Variants in SLU7 observed in about 807,000 individuals in gnomAD.
The protein encoded by SLU7 is pre-mRNA-splicing factor SLU7.
A neutral mutation model predicts 87.0 loss-of-function variants in SLU7; 60 were observed. The ratio of observed to expected loss-of-function variants is 0.69; its 90% CI spans 0.56 to 0.86. The LOEUF (loss-of-function observed/expected upper bound fraction) is 0.86. Ranked by LOEUF, SLU7 falls within the 40% of genes least tolerant of loss-of-function variation. The pLI, the probability that SLU7 is intolerant of heterozygous loss-of-function variation, is 0.00. For missense variants in SLU7, 507 were observed against 686.6 expected (o/e 0.74, Z 2.92); for synonymous variants, 197 against 222.0 (o/e 0.89, Z 1.00).
At chr5:160,409,189 T>G (rs1338101346) in intron 6 of SLU7, among the ~76,000 whole-genome samples, 1 of 152,106 alleles carries the variant, frequency 6.6e-6, no homozygotes, top group East Asian at 1.9e-4. Context: ...AAAGAAAATA[T>G]TACTGGGTTC....
Position 160,407,883 on chromosome 5 carries a change from G to T in SLU7, c.918-70C>A. 1 of 1,464,574 alleles carries T rather than the reference G, an allele frequency of 6.8e-7. No homozygotes were observed. Among genetic ancestry groups the T allele is most frequent in the Non-Finnish European group, 9.6e-7 (1 of 1,046,232 alleles). 90.7% of individuals were successfully genotyped at this position (1,464,574 alleles called of 1,614,324 possible). The stretch of plus-strand genomic sequence containing the variant: ...AAAATTAATTCGTAAAACTGAATCT[G>T]AATTAAAATGAACACCATCTATGGT... On this transcript the variant is annotated intron_variant, in intron 9 of 15. Coordinates refer to ENST00000297151, the MANE Select transcript of SLU7 (RefSeq NM_006425.5). This position sits in a 1 kb window ranked among gnomAD's most constrained non-coding sequence, Gnocchi z 4.2.
rs1254988866 is a variant in SLU7, at chr5:160,406,452, C to A, written c.1287+16G>T. On this transcript the variant is annotated intron_variant, in intron 12 of 15. Transcript: ENST00000297151. ...AAACCAACAAGGACACAAAATTGTT[C>A]CAGTTTAGCACATACTGTGTGATTG... is the stretch of plus-strand genomic sequence containing the variant. 1 of 1,561,762 alleles carries A rather than the reference C, an allele frequency of 6.4e-7. No homozygotes were observed. The highest frequency in any genetic ancestry group is 8.6e-7 in the Non-Finnish European group (1 of 1,157,606).
At chr5:160,414,131 AAAGAGTT>A (rs1339305858) in intron 3 of SLU7, 152 bp from the exon 4 acceptor site, 1 of 690,530 alleles carries the variant, frequency 1.4e-6, no homozygotes, top group East Asian at 2.9e-5. Context: ...GTGAAACTTT[AAAGAGTT>A]CAGGAGTGTA....
In SLU7 at chr5:160,412,942, TTA is replaced by T. The variant is rs1765301683; in HGVS notation, c.571-425_571-424del. ...TATAATTTTAAAATGATACCTCTAA[TTA>T]AAAAAAAAAGGCAGTGTGACTATGA... On this transcript the variant is annotated intron_variant, in intron 5 of 15. Coordinates refer to ENST00000297151, the MANE Select transcript of SLU7 (RefSeq NM_006425.5). Among the ~76,000 whole-genome samples, 3 of 131,568 alleles carry T rather than the reference TTA, an allele frequency of 2.3e-5. No individual in the cohort carries two copies. The Admixed American group carries it at 2.4e-4, about 10-fold the overall frequency. The allele number at this position is 131,568 out of a possible 152,430, so 86.3% of individuals were successfully genotyped here.
chr5:160,405,932 TAAAACAA>T (rs1374864873), intron 12 of SLU7, among the ~76,000 whole-genome samples: 1 of 152,142 alleles, frequency 6.6e-6, no homozygotes, highest in African/African-American at 2.4e-5. Context: ...GAATTCTGAC[TAAAACAA>T]AAAATAGGTG....
chr5:160,406,764 A>G (rs1385621949), intron 11 of SLU7, 135 bp from the exon 12 acceptor site: 1 of 728,214 alleles, frequency 1.4e-6, no homozygotes, highest in African/African-American at 1.9e-5. Context: ...CACAGTAGGA[A>G]AAAAAAAGCC....
chr5:160,409,125 A>AC (rs1452371237), intron 6 of SLU7, among the ~76,000 whole-genome samples: 1 of 152,054 alleles, frequency 6.6e-6, no homozygotes, highest in Non-Finnish European at 1.5e-5. Context: ...TAAATGTGTT[A>AC]GTCTTCAGAC....
At chr5:160,406,141 CAAAT>C (rs1401006026) in intron 12 of SLU7, among the ~76,000 whole-genome samples, 4 of 151,946 alleles carry the variant, frequency 2.6e-5, no homozygotes, top group African/African-American at 9.7e-5. Context: ...ATGTTTCAGT[CAAAT>C]AAATATATAC....
At position 160,404,499 on chromosome 5, in the gene SLU7, GCTT is replaced by G. The variant is rs531233665; in HGVS notation, c.1519_1521del (p.Lys507del). The G allele has an allele frequency of 7.9e-5, 128 of 1,611,776 alleles. No individual in the cohort carries two copies. The highest frequency in any genetic ancestry group is 3.8e-4 in the South Asian group (35 of 90,988). On this transcript the variant is annotated inframe_deletion, in exon 15 of 16. Coordinates refer to ENST00000297151, the MANE Select transcript of SLU7 (RefSeq NM_006425.5). ...TCACTATCTGAACTGCTCTTTCGAT[GCTT>G]CTTCTTTTTCTTTTTCTTCTTCTTC... is the stretch of plus-strand genomic sequence containing the variant.
intron 8 of SLU7, 71 bp downstream of exon 8, chr5:160,408,258 C>A: frequency 1.3e-6 from 2 of 1,494,946 alleles, no homozygotes; most frequent in Admixed American, 1.9e-5. Flanking sequence ...ATATGCTACC[C>A]AGAGTCGATA....
chr5:160,405,138 G>A lies in SLU7; in HGVS notation c.1288-3C>T. On this transcript the variant is annotated splice_region_variant and splice_polypyrimidine_tract_variant and intron_variant, in intron 12 of 15. Coordinates refer to ENST00000297151, the MANE Select transcript of SLU7 (RefSeq NM_006425.5). ...TTCCAGTACGATCCCCAGATATGCT[G>A]CAGAGAGAGAAATTAAAAAGCTTAA... 1 of 1,598,072 alleles carries A rather than the reference G, an allele frequency of 6.3e-7. No individual in the cohort carries two copies. Among genetic ancestry groups the A allele is most frequent in the East Asian group, 2.2e-5 (1 of 44,786 alleles).
chr5:160,415,099 G>A, intron 2 of SLU7, 26 bp downstream of exon 2: 1 of 1,544,228 alleles, frequency 6.5e-7, no homozygotes. Context: ...TGAATGAATG[G>A]ATCATACAAA....
chr5:160,407,441 C>T lies in SLU7; in HGVS notation c.1125+35G>A, dbSNP rs1561556595. 4 of 1,576,722 alleles carry T rather than the reference C, an allele frequency of 2.5e-6. No individual in the cohort carries two copies. The highest frequency in any genetic ancestry group is 3.4e-6 in the Non-Finnish European group (4 of 1,161,234). ...TTATTAACTAGTAACTTCTCTTTAA[C>T]AGAAGTTCTTCTTTAGCATTTTGGT... On this transcript the variant is annotated intron_variant, in intron 11 of 15. Transcript: ENST00000297151. The surrounding 1 kb of genome is among the most constrained non-coding windows in gnomAD (Gnocchi z 4.2).
At position 160,407,900 on chromosome 5, in the gene SLU7, A is replaced by G; in HGVS notation, c.917+71T>C. 1 of 1,456,974 alleles carries G rather than the reference A, an allele frequency of 6.9e-7. No homozygotes were observed. Among genetic ancestry groups the G allele is most frequent in the South Asian group, 1.1e-5 (1 of 87,216 alleles). 90.3% of individuals were successfully genotyped at this position (1,456,974 alleles called of 1,614,324 possible). A position where few individuals can be genotyped will look rare whatever the true frequency, so the allele number is the denominator to read the frequency against. ...CTGAATCTGAATTAAAATGAACACC[A>G]TCTATGGTCAGGTCAGAAAACAATT... On this transcript the variant is annotated intron_variant, in intron 9 of 15. Transcript: ENST00000297151. This position sits in a 1 kb window ranked among gnomAD's most constrained non-coding sequence, Gnocchi z 4.2.
At chr5:160,414,099 G>C in intron 3 of SLU7, 120 bp from the exon 4 acceptor site, 1 of 704,922 alleles carries the variant, frequency 1.4e-6, no homozygotes, top group Non-Finnish European at 2.2e-6. Context: ...AAATAAGTTA[G>C]AGTCTCCACA....
chr5:160,407,024 GCA>G lies in SLU7; in HGVS notation c.1126-397_1126-396del, dbSNP rs1294929748. 6.6e-6 allele frequency among the ~76,000 whole-genome samples: 1 copy of G among 152,210 alleles called. No homozygotes were observed. Among genetic ancestry groups the G allele is most frequent in the Non-Finnish European group, 1.5e-5 (1 of 68,042 alleles). On this transcript the variant is annotated intron_variant, in intron 11 of 15. Transcript: ENST00000297151. The surrounding 1 kb of genome is among the most constrained non-coding windows in gnomAD (Gnocchi z 4.2). ...CAAGCAAAGGCACTTATGTACCACA[GCA>G]CACTTTTTGCTGCCACTCTCTAGAA...
intron 6 of SLU7, among the ~76,000 whole-genome samples, chr5:160,411,155 C>T (rs552564990): frequency 1.3e-5 from 2 of 152,016 alleles, no homozygotes; most frequent in South Asian, 2.1e-4. Context: ...CGTCAGCCAC[C>T]GCGCCCGGCC....
At chr5:160,417,819 C>T (rs1194133415) in intron 1 of SLU7, among the ~76,000 whole-genome samples, 1 of 151,402 alleles carries the variant, frequency 6.6e-6, no homozygotes, top group Non-Finnish European at 1.5e-5. Flanking sequence ...AATGACGCTC[C>T]AAAGGATTTT....
rs1193219536 is a variant in SLU7, at chr5:160,406,620, G to A, written c.1135C>T (p.Gln379Ter). Reference sequence around the variant, plus strand: ...GCTGGAGGGGCATCCAAATGTTCTTGGCCACCATACTAAAAGGACATTGGA... The same window carrying A: ...GCTGGAGGGGCATCCAAATGTTCTTAGCCACCATACTAAAAGGACATTGGA... ...KESILEKYGGQEHLDAPPAEL... is the reference protein window; with the variant it reads ...KESILEKYGG Residue 379 changes from glutamine to a stop codon, truncating the protein, a stop_gained, in exon 12 of 16, where the codon CAA (glutamine) becomes TAA (stop). Coordinates refer to ENST00000297151, the MANE Select transcript of SLU7 (RefSeq NM_006425.5). LOFTEE classifies it high-confidence loss of function. The A allele has an allele frequency of 6.2e-7, 1 of 1,604,312 alleles. No homozygotes were observed. The highest frequency in any genetic ancestry group is 8.5e-7 in the Non-Finnish European group (1 of 1,176,186).
Sources: gnomAD v4.1 joint callset for allele counts (sites outside exome capture counted in the v4.1 genomes callset) on GRCh38, gnomAD v4.1.1 for gene constraint, Gnocchi (gnomAD v3.1) non-coding constraint, MANE v1.5 for transcripts, NCBI Gene and HGNC (gene_info 2026-07-23, HGNC 2026-07-21) for gene names.